PTPRD: variants seen among roughly 807,000 people sequenced by gnomAD.
The protein encoded by PTPRD is protein tyrosine phosphatase receptor type D, also known as receptor-type tyrosine-protein phosphatase delta.
In PTPRD, 34 loss-of-function variants were observed where a neutral mutation model predicts 214.5. That is an observed-to-expected ratio of 0.16 (90% CI 0.12 to 0.21). The LOEUF (loss-of-function observed/expected upper bound fraction) is 0.21. PTPRD is among the 10% of genes least tolerant of loss of function. The pLI is 1.00. For synonymous variants in PTPRD, 1,128 were observed against 845.7 expected, an observed-to-expected ratio of 1.33 and a Z score of -5.79; for missense variants, 2,545 against 2,398.7, an observed-to-expected ratio of 1.06 and a Z score of -1.27.
At chr9:10,487,181 G>A (rs935528032) in intron 2 of PTPRD, among the ~76,000 whole-genome samples, 3 of 151,930 alleles carry the variant, frequency 2.0e-5, no homozygotes, top group Non-Finnish European at 2.9e-5. Flanking sequence ...CAGTCTATGG[G>A]TACCCTTATA....
At chr9:10,066,282 C>A (rs965756632) in intron 3 of PTPRD, among the ~76,000 whole-genome samples, 2 of 151,560 alleles carry the variant, frequency 1.3e-5, no homozygotes, top group East Asian at 3.9e-4. Context: ...AACCACTATC[C>A]TGAAAATATG....
rs914168936 is a variant in PTPRD at position 8,460,662 on chromosome 9, T to C, written c.3715-91A>G. 62 of 1,291,520 alleles carry C rather than the reference T, an allele frequency of 4.8e-5. No individual in the cohort carries two copies. In the South Asian group the frequency reaches 8.2e-4, roughly 17 times the overall value. The allele number at this position is 1,291,520 out of a possible 1,614,324, so 80.0% of individuals were successfully genotyped here. ...TAGAAGAAGCAAAAAATCCAGGAAATAGTGGATTTAATGATAAGTGTGTGA... is the reference window on the plus strand; with the variant it reads ...TAGAAGAAGCAAAAAATCCAGGAAACAGTGGATTTAATGATAAGTGTGTGA... On this transcript the variant is annotated intron_variant, in intron 32 of 45. Coordinates refer to ENST00000381196, the MANE Select transcript of PTPRD (RefSeq NM_002839.4).
chr9:10,084,709 C>T (rs979455252), intron 3 of PTPRD, among the ~76,000 whole-genome samples: 9 of 151,816 alleles, frequency 5.9e-5, no homozygotes, highest in South Asian at 2.1e-4. Flanking sequence ...CGCAACTCTG[C>T]CTTGTGGTGT....
intron 8 of PTPRD, among the ~76,000 whole-genome samples, chr9:9,444,933 G>C (rs998403738): frequency 3.9e-5 from 6 of 151,964 alleles, no homozygotes; most frequent in Non-Finnish European, 7.4e-5. Flanking sequence ...TCCTTCATTT[G>C]TTCCATTTGA....
At chr9:8,577,426 T>G (rs2092554437) in intron 14 of PTPRD, among the ~76,000 whole-genome samples, 1 of 152,000 alleles carries the variant, frequency 6.6e-6, no homozygotes, top group South Asian at 2.1e-4. Context: ...CAGAAAAAAT[T>G]GTATTTTTAG....
At chr9:9,080,461 A>G (rs1478938102) in intron 10 of PTPRD, among the ~76,000 whole-genome samples, 1 of 152,046 alleles carries the variant, frequency 6.6e-6, no homozygotes, top group African/African-American at 2.4e-5. Flanking sequence ...ACTTGAATAG[A>G]CCCTTTACAA....
intron 10 of PTPRD, among the ~76,000 whole-genome samples, chr9:9,176,826 T>A (rs940269552): frequency 6.6e-6 from 1 of 152,152 alleles, no homozygotes; most frequent in Non-Finnish European, 1.5e-5. Context: ...TCCAGAACCA[T>A]GAGTCAAATA....
intron 7 of PTPRD, among the ~76,000 whole-genome samples, chr9:9,662,963 G>T (rs2096648262): frequency 6.6e-6 from 1 of 151,388 alleles, no homozygotes; most frequent in African/African-American, 2.4e-5. Flanking sequence ...GGCATCAGTT[G>T]GGCTCACTAT....
At chr9:10,495,698 CTG>C (rs2041847390) in intron 2 of PTPRD, among the ~76,000 whole-genome samples, 1 of 151,702 alleles carries the variant, frequency 6.6e-6, no homozygotes, top group South Asian at 2.1e-4. Flanking sequence ...AACATAGAGA[CTG>C]TATGAAACAT....
chr9:8,711,272 A>G (rs979656120), intron 12 of PTPRD, among the ~76,000 whole-genome samples: 11 of 152,116 alleles, frequency 7.2e-5, no homozygotes, highest in Admixed American at 6.5e-5. Context: ...ACATATAATT[A>G]TACTGTATAG....
chr9:8,533,318 A>T (rs1356946755), intron 14 of PTPRD, among the ~76,000 whole-genome samples: 1 of 151,956 alleles, frequency 6.6e-6, no homozygotes, highest in Non-Finnish European at 1.5e-5. Context: ...TTTGACTCTG[A>T]CCCCAACTGA....
intron 3 of PTPRD, among the ~76,000 whole-genome samples, chr9:10,337,519 T>C (rs1489239799): frequency 6.6e-6 from 1 of 151,796 alleles, no homozygotes; most frequent in Non-Finnish European, 1.5e-5. Context: ...ATATGGAGGT[T>C]GTGCTCTAAC....
rs536437020 is a variant in PTPRD at position 9,561,086 on chromosome 9, A to G, written c.-237+13646T>C. ...CCTGTACAGCATTAGCAGGGCAGTT[A>G]TACGTTTCACAGACAATAGTGTTGT... is the stretch of plus-strand genomic sequence containing the variant. On this transcript the variant is annotated intron_variant, in intron 8 of 45. Coordinates refer to ENST00000381196, the MANE Select transcript of PTPRD (RefSeq NM_002839.4). Among the ~76,000 whole-genome samples, 6 of 152,280 alleles carry G rather than the reference A, an allele frequency of 3.9e-5. No homozygotes were observed. The South Asian group carries it at 6.2e-4, about 16-fold the overall frequency.
intron 9 of PTPRD, among the ~76,000 whole-genome samples, chr9:9,220,361 T>G (rs1371965974): frequency 2.7e-5 from 4 of 150,192 alleles, no homozygotes; most frequent in African/African-American, 9.8e-5. Context: ...AAATGACAAG[T>G]TTTTTTGAGT....
intron 7 of PTPRD, among the ~76,000 whole-genome samples, chr9:9,672,015 C>T (rs2096841224): frequency 6.6e-6 from 1 of 152,112 alleles, no homozygotes. Flanking sequence ...CACAACTTGT[C>T]AGGGATGCAT....
chr9:8,338,777 A>G (rs1181757295), intron 43 of PTPRD, 145 bp downstream of exon 43: 5 of 524,938 alleles, frequency 9.5e-6, no homozygotes, highest in African/African-American at 3.5e-5. Context: ...CATATTAAAC[A>G]TAAAAAAAAA....
intron 3 of PTPRD, among the ~76,000 whole-genome samples, chr9:10,247,814 A>T (rs2092329784): frequency 6.6e-6 from 1 of 152,148 alleles, no homozygotes; most frequent in African/African-American, 2.4e-5. Context: ...AGACAAATAA[A>T]TACAACGAGG....
At chr9:8,766,924 T>G (rs539184573) in intron 11 of PTPRD, among the ~76,000 whole-genome samples, 1 of 152,310 alleles carries the variant, frequency 6.6e-6, no homozygotes, top group Non-Finnish European at 1.5e-5. Context: ...AGGTTTCGCA[T>G]AAGGTCATAG....
intron 9 of PTPRD, among the ~76,000 whole-genome samples, chr9:9,338,955 T>A (rs1264050577): frequency 6.6e-6 from 1 of 152,092 alleles, no homozygotes; most frequent in African/African-American, 2.4e-5. Context: ...AAATGTTACA[T>A]GAGAAAAATC....
Sources: allele counts gnomAD v4.1 joint callset (sites outside exome capture counted in the v4.1 genomes callset), GRCh38; gene constraint gnomAD v4.1.1; transcripts MANE v1.5; gene names NCBI Gene and HGNC (gene_info 2026-07-23, HGNC 2026-07-21).